The following AQP9 variants were observed in gnomAD, a reference collection of about 807,000 sequenced individuals.
AQP9 encodes the protein aquaporin-9.
A neutral mutation model predicts 23.8 loss-of-function variants in AQP9; 19 were observed. The ratio of observed to expected loss-of-function variants is 0.80; its 90% CI spans 0.56 to 1.17. AQP9 has a LOEUF of 1.17. Among genes scored for constraint, AQP9 ranks in the 50% most tolerant of loss-of-function variants. AQP9 has a pLI of 0.00. For synonymous variants in AQP9, 153 were observed against 131.5 expected (o/e 1.16, Z -1.12); for missense variants, 413 against 362.0 (o/e 1.14, Z -1.14).
In AQP9 at chr15:58,184,436, G is replaced by A. The variant is rs566699548; in HGVS notation, c.*301G>A. 4.9e-5 allele frequency: 13 copies of A among 267,996 alleles called. No homozygotes were observed. The highest frequency in any genetic ancestry group is 1.4e-4 in the African/African-American group (6 of 44,220). 16.6% of individuals were successfully genotyped at this position (267,996 alleles called of 1,614,324 possible). A position where few individuals can be genotyped will look rare whatever the true frequency, so the allele number is the denominator to read the frequency against. ...CTTGCTAGGTAAGCACTAATAACTC[G>A]GCATCTTGACGATAGTCCCATTTGG... On this transcript the variant is annotated 3_prime_UTR_variant, in exon 6 of 6. Coordinates refer to ENST00000219919, the MANE Select transcript of AQP9 (RefSeq NM_020980.5).
rs1898834705 is a variant in AQP9 at position 58,179,447 on chromosome 15, C to T, written c.713+102C>T. Reference sequence around the variant, plus strand: ...ATCCAGGGAAGTTCAGATGACAGCGCCAACGTTAACTGCACACTCTGGTCA... The same window carrying T: ...ATCCAGGGAAGTTCAGATGACAGCGTCAACGTTAACTGCACACTCTGGTCA... On this transcript the variant is annotated intron_variant, in intron 5 of 5. Coordinates refer to ENST00000219919, the MANE Select transcript of AQP9 (RefSeq NM_020980.5). The T allele has an allele frequency of 5.0e-6, 5 of 994,508 alleles. No individual in the cohort carries two copies. In the South Asian group the frequency reaches 7.6e-5, roughly 15 times the overall value. The allele number at this position is 994,508 out of a possible 1,614,324, so 61.6% of individuals were successfully genotyped here.
In AQP9 at chr15:58,185,255, T is replaced by G. The variant is rs1183156320; in HGVS notation, c.*1120T>G. The G allele has an allele frequency of 6.5e-6, 1 of 152,678 alleles. No individual in the cohort carries two copies. Among genetic ancestry groups the G allele is most frequent in the Non-Finnish European group, 1.5e-5 (1 of 68,044 alleles). The allele number at this position is 152,678 out of a possible 1,614,324, so 9.5% of individuals were successfully genotyped here. A position where few individuals can be genotyped will look rare whatever the true frequency, so the allele number is the denominator to read the frequency against. On this transcript the variant is annotated 3_prime_UTR_variant, in exon 6 of 6. Coordinates refer to ENST00000219919, the MANE Select transcript of AQP9 (RefSeq NM_020980.5). Reference sequence around the variant, plus strand: ...AGTTGTCCAAGAGCACACTGAAAGTTGAATGTTATCTAATGCATTCCTCTA... The same window carrying G: ...AGTTGTCCAAGAGCACACTGAAAGTGGAATGTTATCTAATGCATTCCTCTA...
At chr15:58,139,857 A>G (rs73426139) in intron 1 of AQP9, among the ~76,000 whole-genome samples, 1,856 of 152,342 alleles carry the variant, frequency 0.012, 46 homozygotes, top group African/African-American at 0.042. Flanking sequence ...CTTGGCATTC[A>G]TTCCTGGCTG....
intron 1 of AQP9, among the ~76,000 whole-genome samples, chr15:58,141,661 C>G (rs1022890283): frequency 1.3e-5 from 2 of 152,108 alleles, no homozygotes; most frequent in African/African-American, 4.8e-5. Flanking sequence ...TGCAGTGTTC[C>G]CTTCTTCCTG....
chr15:58,173,838 G>C (rs1448301525), intron 3 of AQP9, among the ~76,000 whole-genome samples: 1 of 152,160 alleles, frequency 6.6e-6, no homozygotes, highest in Non-Finnish European at 1.5e-5. Flanking sequence ...GACTCTCGAG[G>C]CCTTTCAAAC....
chr15:58,139,956 TAAAAG>T (rs1447466515), intron 1 of AQP9, among the ~76,000 whole-genome samples: 1 of 152,086 alleles, frequency 6.6e-6, no homozygotes, highest in African/African-American at 2.4e-5. Flanking sequence ...ATAAAAGAAA[TAAAAG>T]AGAGAAGATG....
At chr15:58,139,700 G>A (rs1354965629) in intron 1 of AQP9, among the ~76,000 whole-genome samples, 1 of 152,198 alleles carries the variant, frequency 6.6e-6, no homozygotes, top group Non-Finnish European at 1.5e-5. Flanking sequence ...AGCCAAGAAT[G>A]AGAAACAAAT....
chr15:58,184,114 T>G lies in AQP9; in HGVS notation c.867T>G (p.Tyr289Ter), dbSNP rs1380696761. 1 of 1,613,958 alleles carries G rather than the reference T, an allele frequency of 6.2e-7. No individual in the cohort carries two copies. The highest frequency in any genetic ancestry group is 8.5e-7 in the Non-Finnish European group (1 of 1,179,982). Residue 289 changes from tyrosine (Y) to a stop codon, truncating the protein, a stop_gained, in exon 6 of 6, where the codon TAT (tyrosine) becomes TAG (stop). Coordinates refer to ENST00000219919, the MANE Select transcript of AQP9 (RefSeq NM_020980.5). LOFTEE classifies it high-confidence loss of function. The stretch of plus-strand genomic sequence containing the variant: ...AATCTGAGGACAAACCAGAGAAATA[T>G]GAACTCAGTGTCATCATGTAGTGGC... ...TEQSEDKPEK[Y>*]ELSVIM
At chr15:58,168,731 C>T (rs1426145806) in intron 2 of AQP9, among the ~76,000 whole-genome samples, 1 of 152,162 alleles carries the variant, frequency 6.6e-6, no homozygotes, top group Non-Finnish European at 1.5e-5. Context: ...GCTGTGATCC[C>T]AGCACTCTAC....
chr15:58,168,806 C>T (rs764323168), intron 2 of AQP9, among the ~76,000 whole-genome samples: 4 of 152,190 alleles, frequency 2.6e-5, no homozygotes, highest in Middle Eastern at 3.2e-3. Context: ...CTAAATATCC[C>T]GAGGCTTAAC....
At chr15:58,163,172 A>T (rs1411661565) in intron 1 of AQP9, among the ~76,000 whole-genome samples, 1 of 152,208 alleles carries the variant, frequency 6.6e-6, no homozygotes, top group Non-Finnish European at 1.5e-5. Flanking sequence ...TTGAAGACAC[A>T]GTGAAGGACA....
intron 1 of AQP9, among the ~76,000 whole-genome samples, chr15:58,145,393 C>A (rs527474562): frequency 6.6e-6 from 1 of 151,718 alleles, no homozygotes; most frequent in East Asian, 2.0e-4. Context: ...ATCCCAGCTA[C>A]TCAGGAGGCT....
chr15:58,175,838 G>T (rs1454387033), intron 4 of AQP9, among the ~76,000 whole-genome samples: 1 of 152,166 alleles, frequency 6.6e-6, no homozygotes, highest in African/African-American at 2.4e-5. Context: ...ATGCCCTCAT[G>T]TCCTCAGCTT....
chr15:58,181,381 T>G (rs1663248), intron 5 of AQP9, among the ~76,000 whole-genome samples: 130,258 of 152,168 alleles, frequency 0.86, 56,957 homozygotes, highest in Non-Finnish European at 0.95. Context: ...TACACAAGGT[T>G]GAAGCAGTCA....
chr15:58,148,044 A>AC (rs1340155720), intron 1 of AQP9, among the ~76,000 whole-genome samples: 2 of 152,134 alleles, frequency 1.3e-5, no homozygotes, highest in Non-Finnish European at 2.9e-5. Context: ...TTTATAGTAT[A>AC]CCCTTTTGAA....
chr15:58,155,769 C>G (rs1265475404), intron 1 of AQP9: 1 of 152,166 alleles, frequency 6.6e-6, no homozygotes, highest in Non-Finnish European at 1.5e-5. Context: ...CACATTAAAC[C>G]AGAGTAATAC....
intron 4 of AQP9, among the ~76,000 whole-genome samples, chr15:58,178,664 T>G (rs1361847799): frequency 6.6e-6 from 1 of 152,258 alleles, no homozygotes; most frequent in Admixed American, 6.5e-5. Flanking sequence ...TTCCTAATTC[T>G]GTTTTCCTTT....
intron 1 of AQP9, among the ~76,000 whole-genome samples, chr15:58,149,539 G>C (rs1473963744): frequency 2.0e-5 from 3 of 152,188 alleles, no homozygotes; most frequent in Admixed American, 6.5e-5. Context: ...TCATTGTGAG[G>C]ACTGATGGGC....
intron 4 of AQP9, 92 bp downstream of exon 4, chr15:58,175,128 G>A: frequency 2.5e-6 from 3 of 1,179,528 alleles, no homozygotes; most frequent in South Asian, 2.6e-5. Flanking sequence ...AATCAGAAAG[G>A]AGAGATTATA....
Sources: allele counts gnomAD v4.1 joint callset (sites outside exome capture counted in the v4.1 genomes callset), GRCh38; gene constraint gnomAD v4.1.1; transcripts MANE v1.5; gene names NCBI Gene and HGNC (gene_info 2026-07-23, HGNC 2026-07-21).